NUDT21: variants seen among roughly 807,000 people sequenced by gnomAD.
NUDT21 encodes the protein cleavage and polyadenylation specificity factor subunit 5.
A neutral mutation model predicts 29.8 loss-of-function variants in NUDT21; 5 were observed. That is an observed-to-expected ratio of 0.17 (90% CI 0.09 to 0.35). NUDT21 has a LOEUF of 0.35. NUDT21 is among the 10% of genes least tolerant of loss of function. NUDT21 has a pLI of 1.00. For missense variants in NUDT21, 76 were observed against 276.0 expected, an observed-to-expected ratio of 0.28 and a Z score of 5.13; for synonymous variants, 113 against 98.5, an observed-to-expected ratio of 1.15 and a Z score of -0.87.
chr16:56,448,530 T>C (rs1962244218), intron 1 of NUDT21, among the ~76,000 whole-genome samples: 1 of 152,198 alleles, frequency 6.6e-6, no homozygotes, highest in Non-Finnish European at 1.5e-5. Context: ...GCAACTCTTC[T>C]ACTTTCTCTT....
At position 56,429,751 on chromosome 16, in the gene NUDT21, T is replaced by C. The variant is rs1962012111; in HGVS notation, c.*2961A>G. On this transcript the variant is annotated 3_prime_UTR_variant, in exon 7 of 7. Coordinates refer to ENST00000300291, the MANE Select transcript of NUDT21 (RefSeq NM_007006.3). ...CTAAGCCTTCTTTGGCAATGAAACA[T>C]ACAAAATTGCAAACTCTGATGCAGT... 1 of 152,154 alleles carries C rather than the reference T, an allele frequency of 6.6e-6. No individual in the cohort carries two copies. Among genetic ancestry groups the C allele is most frequent in the East Asian group, 1.9e-4 (1 of 5,196 alleles). The allele number at this position is 152,154 out of a possible 1,614,324, so 9.4% of individuals were successfully genotyped here.
intron 4 of NUDT21, chr16:56,435,117 CTTTTT>C: frequency 4.7e-6 from 1 of 214,460 alleles, no homozygotes; most frequent in South Asian, 1.4e-4. Flanking sequence ...TTAATAAAAG[CTTTTT>C]TTTGTTTGTT....
intron 1 of NUDT21, 56 bp from the exon 2 acceptor site, chr16:56,448,045 A>T: frequency 6.8e-7 from 1 of 1,470,262 alleles, no homozygotes; most frequent in Non-Finnish European, 9.4e-7. Context: ...ATTTACCATG[A>T]CAGACATTAG....
At position 56,444,006 on chromosome 16, in the gene NUDT21, T is replaced by C. The variant is rs117403305; in HGVS notation, c.381+2620A>G. ...CTCAGCCTGGGATATATAAATCTAA[T>C]TGTTGGCTGGGCCTGGTGGCTCATG... is the stretch of plus-strand genomic sequence containing the variant. On this transcript the variant is annotated intron_variant, in intron 3 of 6. Coordinates refer to ENST00000300291, the MANE Select transcript of NUDT21 (RefSeq NM_007006.3). 2.0e-5 allele frequency among the ~76,000 whole-genome samples: 3 copies of C among 152,328 alleles called. No homozygotes were observed. The East Asian group carries it at 5.8e-4, about 29-fold the overall frequency.
intron 4 of NUDT21, among the ~76,000 whole-genome samples, chr16:56,437,384 C>A (rs1396011805): frequency 6.6e-6 from 1 of 152,186 alleles, no homozygotes; most frequent in Non-Finnish European, 1.5e-5. Context: ...CATCATCACT[C>A]ATTATCATGG....
At chr16:56,449,472 G>T (rs1312227464) in intron 1 of NUDT21, among the ~76,000 whole-genome samples, 1 of 152,108 alleles carries the variant, frequency 6.6e-6, no homozygotes, top group Non-Finnish European at 1.5e-5. Flanking sequence ...TCAACTTAAT[G>T]TTAACTCAGG....
chr16:56,446,610 T>C lies in NUDT21; in HGVS notation c.381+16A>G. ...AGTAAGTTGATGGTATTCAAAGTGG[T>C]TAAACAGAAAAATACCTCTGTCATT... On this transcript the variant is annotated intron_variant, in intron 3 of 6. Transcript: ENST00000300291. 2 of 1,544,788 alleles carry C rather than the reference T, an allele frequency of 1.3e-6. No individual in the cohort carries two copies. The highest frequency in any genetic ancestry group is 1.8e-6 in the Non-Finnish European group (2 of 1,123,910).
chr16:56,448,086 A>C lies in NUDT21; in HGVS notation c.117-97T>G, dbSNP rs187968543. 1.2e-4 allele frequency: 121 copies of C among 1,017,060 alleles called. No individual in the cohort carries two copies. The African/African-American group carries it at 1.7e-3, about 14-fold the overall frequency. 63.0% of individuals were successfully genotyped at this position (1,017,060 alleles called of 1,614,324 possible). Reference sequence around the variant, plus strand: ...AGAAACCATGGTACAAAAAAAGTGCATATATTGTACTCAGACACAGGATTT... The same window carrying C: ...AGAAACCATGGTACAAAAAAAGTGCCTATATTGTACTCAGACACAGGATTT... On this transcript the variant is annotated intron_variant, in intron 1 of 6. Transcript: ENST00000300291.
chr16:56,446,226 C>G (rs1299928825), intron 3 of NUDT21, among the ~76,000 whole-genome samples: 1 of 152,136 alleles, frequency 6.6e-6, no homozygotes, highest in Non-Finnish European at 1.5e-5. Flanking sequence ...TCTATAGAGG[C>G]CTACTCTTGA....
chr16:56,433,592 T>A (rs1962060574), intron 6 of NUDT21, among the ~76,000 whole-genome samples: 1 of 152,160 alleles, frequency 6.6e-6, no homozygotes, highest in Admixed American at 6.6e-5. Context: ...ACGTAAAAGT[T>A]CAGGACCTAA....
chr16:56,439,893 A>G, intron 3 of NUDT21, 147 bp from the exon 4 acceptor site: 1 of 682,322 alleles, frequency 1.5e-6, no homozygotes, highest in Non-Finnish European at 2.6e-6. Flanking sequence ...ATTTGTTAAT[A>G]TAGATGTCAC....
chr16:56,449,619 ATTC>A (rs1567540921), intron 1 of NUDT21, among the ~76,000 whole-genome samples: 3 of 152,204 alleles, frequency 2.0e-5, no homozygotes, highest in Admixed American at 2.0e-4. Context: ...TATTTTGCCA[ATTC>A]TACAAAATGG....
chr16:56,433,383 G>A (rs570184392), intron 6 of NUDT21, among the ~76,000 whole-genome samples: 5 of 152,286 alleles, frequency 3.3e-5, no homozygotes, highest in African/African-American at 1.2e-4. Context: ...ATAATAGTTT[G>A]TTCAAGGTCA....
rs1236059109 is a variant in NUDT21, at chr16:56,431,485, A to G, written c.*1227T>C. 6.6e-6 allele frequency: 1 copy of G among 152,220 alleles called. No homozygotes were observed. Among genetic ancestry groups the G allele is most frequent in the Non-Finnish European group, 1.5e-5 (1 of 68,038 alleles). 9.4% of individuals were successfully genotyped at this position (152,220 alleles called of 1,614,324 possible). On this transcript the variant is annotated 3_prime_UTR_variant, in exon 7 of 7. Coordinates refer to ENST00000300291, the MANE Select transcript of NUDT21 (RefSeq NM_007006.3). Reference sequence around the variant, plus strand: ...TATCATATACCTTTGACATCACCCAATATTCAGGAAAATAGCCCTGTGACT... The same window carrying G: ...TATCATATACCTTTGACATCACCCAGTATTCAGGAAAATAGCCCTGTGACT...
At chr16:56,451,043 A>C in intron 1 of NUDT21, 44 bp downstream of exon 1, 1 of 1,534,322 alleles carries the variant, frequency 6.5e-7, no homozygotes, top group Non-Finnish European at 9.0e-7. Context: ...AGTCTATAGG[A>C]GCTTTCACGA....
chr16:56,435,743 T>TATATATATATATATATA (rs1491361552), intron 4 of NUDT21, among the ~76,000 whole-genome samples: 1 of 27,058 alleles, frequency 3.7e-5, no homozygotes, highest in Non-Finnish European at 6.6e-5. Flanking sequence ...AAAAAAAAAA[T>TATATATATATATATATA]TATATATATA....
intron 1 of NUDT21, among the ~76,000 whole-genome samples, chr16:56,450,302 C>G (rs1962274753): frequency 6.6e-6 from 1 of 152,190 alleles, no homozygotes; most frequent in African/African-American, 2.4e-5. Context: ...CCTGCTACAG[C>G]GAGTCTGCTT....
rs1962139644 is a variant in NUDT21 at position 56,439,648 on chromosome 16, A to C, written c.471+9T>G. 1 of 1,585,050 alleles carries C rather than the reference A, an allele frequency of 6.3e-7. No homozygotes were observed. Among genetic ancestry groups the C allele is most frequent in the Non-Finnish European group, 8.7e-7 (1 of 1,153,436 alleles). ...CCAAAATGCCCAGCAAATGTAACTG[A>C]ACACTGACCTGAGGAGGTTCAAAAT... On this transcript the variant is annotated intron_variant, in intron 4 of 6. Transcript: ENST00000300291.
intron 2 of NUDT21, 108 bp from the exon 3 acceptor site, chr16:56,446,797 A>C (rs1213058173): frequency 4.8e-6 from 3 of 626,798 alleles, no homozygotes; most frequent in Non-Finnish European, 8.2e-6. Context: ...ATTTCAGCAT[A>C]ATAAGGCAAT....
Sources: allele counts gnomAD v4.1 joint callset (sites outside exome capture counted in the v4.1 genomes callset), GRCh38; gene constraint gnomAD v4.1.1; transcripts MANE v1.5; gene names NCBI Gene and HGNC (gene_info 2026-07-23, HGNC 2026-07-21).